FNDC3A: variants seen among roughly 807,000 people sequenced by gnomAD.
FNDC3A encodes the protein fibronectin type-III domain-containing protein 3A.
A neutral mutation model predicts 148.9 loss-of-function variants in FNDC3A; 32 were observed. That is an observed-to-expected ratio of 0.21 (90% CI 0.16 to 0.29). The LOEUF is 0.29. Among genes scored for constraint, FNDC3A ranks in the 10% least tolerant of loss-of-function variants. The pLI is 1.00. For missense variants in FNDC3A, 1,191 were observed against 1,452.8 expected, an observed-to-expected ratio of 0.82 and a Z score of 2.93; for synonymous variants, 472 against 473.6, an observed-to-expected ratio of 1.00 and a Z score of 0.04.
At position 49,056,876 on chromosome 13, in the gene FNDC3A, C is replaced by T. The variant is rs1423987368; in HGVS notation, c.100-18413C>T. 3.9e-5 allele frequency among the ~76,000 whole-genome samples: 6 copies of T among 152,278 alleles called. No individual in the cohort carries two copies. The East Asian group carries it at 9.6e-4, about 24-fold the overall frequency. ...CATTTTAAACATTTTAATGTTGTCTCTTTCCTAAAACCTTGTTATCTGATT... is the reference window on the plus strand; with the variant it reads ...CATTTTAAACATTTTAATGTTGTCTTTTTCCTAAAACCTTGTTATCTGATT... On this transcript the variant is annotated intron_variant, in intron 2 of 25. Coordinates refer to ENST00000492622, the MANE Select transcript of FNDC3A (RefSeq NM_001079673.2).
At chr13:49,101,376 T>G (rs2137838849) in intron 3 of FNDC3A, among the ~76,000 whole-genome samples, 1 of 152,234 alleles carries the variant, frequency 6.6e-6, no homozygotes, top group African/African-American at 2.4e-5. Flanking sequence ...GCCACAAGAA[T>G]CAGAGTCAGG....
chr13:49,095,070 C>T (rs930522544), intron 3 of FNDC3A, among the ~76,000 whole-genome samples: 2 of 151,914 alleles, frequency 1.3e-5, no homozygotes, highest in African/African-American at 4.8e-5. Flanking sequence ...ACATGAATTT[C>T]ATAAATAATT....
intron 1 of FNDC3A, among the ~76,000 whole-genome samples, chr13:48,996,186 TA>T (rs549326273): frequency 3.3e-5 from 5 of 151,638 alleles, no homozygotes; most frequent in South Asian, 2.1e-4. Flanking sequence ...ATCCATATTA[TA>T]AAAAAAAACT....
chr13:49,072,682 C>G (rs1477895376), intron 2 of FNDC3A, among the ~76,000 whole-genome samples: 1 of 152,032 alleles, frequency 6.6e-6, no homozygotes, highest in Non-Finnish European at 1.5e-5. Flanking sequence ...TGGGGTCTTG[C>G]TATATTGCCC....
chr13:48,981,665 C>T (rs554748164), intron 1 of FNDC3A, among the ~76,000 whole-genome samples: 2 of 152,212 alleles, frequency 1.3e-5, no homozygotes, highest in South Asian at 2.1e-4. Context: ...AACTATACTT[C>T]TGATTGACTT....
chr13:49,024,907 T>C (rs1873588675), intron 2 of FNDC3A, among the ~76,000 whole-genome samples: 1 of 152,014 alleles, frequency 6.6e-6, no homozygotes, highest in African/African-American at 2.4e-5. Context: ...TAAGTAGTAG[T>C]AGTTCATATT....
At chr13:49,130,454 A>G (rs1158636818) in intron 4 of FNDC3A, among the ~76,000 whole-genome samples, 1 of 151,948 alleles carries the variant, frequency 6.6e-6, no homozygotes, top group Non-Finnish European at 1.5e-5. Context: ...TCTTTCCACA[A>G]CTTGTTTTCC....
chr13:49,162,751 C>G (rs753185680), intron 8 of FNDC3A, among the ~76,000 whole-genome samples: 2 of 152,200 alleles, frequency 1.3e-5, no homozygotes, highest in Non-Finnish European at 2.9e-5. Flanking sequence ...GTGGTTTTAT[C>G]TACCTTTGGT....
At chr13:49,013,616 G>GTACACGTGTATACATGTA (rs1952416630) in intron 2 of FNDC3A, among the ~76,000 whole-genome samples, 4 of 151,152 alleles carry the variant, frequency 2.6e-5, no homozygotes, top group South Asian at 4.2e-4. Context: ...GTATACATGT[G>GTACACGTGTATACATGTA]TACACGTGTA....
At chr13:49,123,317 C>T (rs1881481435) in intron 4 of FNDC3A, among the ~76,000 whole-genome samples, 1 of 152,032 alleles carries the variant, frequency 6.6e-6, no homozygotes, top group Admixed American at 6.6e-5. Context: ...GAAACTGGAC[C>T]CTTTCCTTAC....
intron 2 of FNDC3A, among the ~76,000 whole-genome samples, chr13:49,067,980 T>G (rs1236745612): frequency 6.6e-6 from 1 of 152,118 alleles, no homozygotes; most frequent in African/African-American, 2.4e-5. Context: ...GTTAGAATCA[T>G]TAAAAATGTG....
Position 48,976,146 on chromosome 13 carries a change from C to T in FNDC3A, c.-71C>T, listed in dbSNP as rs1031449240. ...CCCTAAGAAGAGGCGCCAGAGGAGC[C>T]GCCTTCTGCCTCAGAACGGCGTGAC... On this transcript the variant is annotated 5_prime_UTR_variant, in exon 1 of 26. Coordinates refer to ENST00000492622, the MANE Select transcript of FNDC3A (RefSeq NM_001079673.2). 3 of 152,294 alleles carry T rather than the reference C, an allele frequency of 2.0e-5. No homozygotes were observed. Among genetic ancestry groups the T allele is most frequent in the Non-Finnish European group, 4.4e-5 (3 of 68,126 alleles). 9.4% of individuals were successfully genotyped at this position (152,294 alleles called of 1,614,324 possible). A position where few individuals can be genotyped will look rare whatever the true frequency, so the allele number is the denominator to read the frequency against.
intron 1 of FNDC3A, among the ~76,000 whole-genome samples, chr13:48,997,751 A>G (rs754104871): frequency 6.6e-6 from 1 of 152,208 alleles, no homozygotes; most frequent in South Asian, 2.1e-4. Context: ...CAACCAGACT[A>G]TGTTATTTTG....
At chr13:49,171,259 C>T (rs922714797) in intron 10 of FNDC3A, among the ~76,000 whole-genome samples, 15 of 152,136 alleles carry the variant, frequency 9.9e-5, no homozygotes, top group Non-Finnish European at 1.5e-5. Flanking sequence ...TTGCCATTTA[C>T]ATAGTTAGCA....
chr13:49,178,687 C>T, intron 14 of FNDC3A, 33 bp downstream of exon 14: 1 of 1,241,742 alleles, frequency 8.1e-7, no homozygotes, highest in Non-Finnish European at 1.1e-6. Flanking sequence ...CGATTTGTTC[C>T]TTGTTCCTAT....
intron 14 of FNDC3A, 44 bp from the exon 15 acceptor site, chr13:49,185,920 A>C (rs1251279081): frequency 1.4e-6 from 2 of 1,464,522 alleles, no homozygotes; most frequent in Non-Finnish European, 1.9e-6. Context: ...CAGTATCATT[A>C]GGTATCAAGT....
intron 8 of FNDC3A, 117 bp downstream of exon 8, chr13:49,146,052 G>C: frequency 1.4e-6 from 1 of 692,120 alleles, no homozygotes. Flanking sequence ...GAATCTTTAA[G>C]TTGGCTAATG....
intron 2 of FNDC3A, among the ~76,000 whole-genome samples, chr13:49,073,280 A>C (rs1467282792): frequency 6.6e-6 from 1 of 152,228 alleles, no homozygotes; most frequent in Non-Finnish European, 1.5e-5. Flanking sequence ...GGGTTCATAC[A>C]AATCATTAAA....
intron 3 of FNDC3A, among the ~76,000 whole-genome samples, chr13:49,085,876 C>CT (rs111913275): frequency 0.046 from 6,246 of 134,578 alleles, 230 homozygotes; most frequent in African/African-American, 0.1. Flanking sequence ...CCCATCCATC[C>CT]TTTTTTTTTT....
Sources: allele counts gnomAD v4.1 joint callset (sites outside exome capture counted in the v4.1 genomes callset), GRCh38; gene constraint gnomAD v4.1.1; transcripts MANE v1.5; gene names NCBI Gene and HGNC (gene_info 2026-07-23, HGNC 2026-07-21).